VEPH1: variants seen among roughly 807,000 people sequenced by gnomAD.
VEPH1 encodes the protein ventricular zone expressed PH domain containing 1, also known as ventricular zone-expressed PH domain-containing protein homolog 1.
VEPH1 carries 80 observed loss-of-function variants against 85.2 expected under a neutral mutation model. The observed-to-expected ratio is 0.94, with a 90% confidence interval of 0.78 to 1.13. The LOEUF (loss-of-function observed/expected upper bound fraction) is 1.13, where lower values mean the gene tolerates loss of function less well. VEPH1 is among the 50% of genes most tolerant of loss of function. The pLI, the probability that VEPH1 is intolerant of heterozygous loss-of-function variation, is 0.00. For missense variants in VEPH1, 955 were observed against 980.5 expected, an observed-to-expected ratio of 0.97 and a Z score of 0.35; for synonymous variants, 297 against 348.0, an observed-to-expected ratio of 0.85 and a Z score of 1.63.
intron 9 of VEPH1, among the ~76,000 whole-genome samples, chr3:157,353,885 A>G (rs913864404): frequency 2.0e-5 from 3 of 152,162 alleles, no homozygotes; most frequent in Non-Finnish European, 2.9e-5. Context: ...GGCATGTAGT[A>G]GGCACTCAAA....
intron 9 of VEPH1, among the ~76,000 whole-genome samples, chr3:157,334,201 C>A (rs1722756437): frequency 1.3e-5 from 2 of 152,134 alleles, no homozygotes; most frequent in African/African-American, 4.8e-5. Context: ...GATCATGTGG[C>A]TGACATGAGA....
At chr3:157,322,720 A>G (rs1721485753) in intron 9 of VEPH1, among the ~76,000 whole-genome samples, 2 of 152,206 alleles carry the variant, frequency 1.3e-5, no homozygotes, top group Admixed American at 1.3e-4. Context: ...TCTTCTGCCT[A>G]CTTGACACTA....
At chr3:157,428,629 T>A (rs1732923976) in intron 4 of VEPH1, 141 bp from the exon 5 acceptor site, 2 of 718,618 alleles carry the variant, frequency 2.8e-6, no homozygotes, top group African/African-American at 3.6e-5. Flanking sequence ...AAAAATAACA[T>A]GGTACCTTAT....
intron 9 of VEPH1, among the ~76,000 whole-genome samples, chr3:157,317,441 C>G (rs1346997008): frequency 6.6e-6 from 1 of 152,112 alleles, no homozygotes; most frequent in Non-Finnish European, 1.5e-5. Context: ...CTCAGCAACT[C>G]CCATGGGGGG....
intron 12 of VEPH1, among the ~76,000 whole-genome samples, chr3:157,283,509 G>C (rs1559923022): frequency 6.6e-6 from 1 of 152,092 alleles, no homozygotes; most frequent in Non-Finnish European, 1.5e-5. Context: ...ATATTTTATT[G>C]ATCACCAGAT....
chr3:157,388,001 G>A (rs1333886884), intron 6 of VEPH1, among the ~76,000 whole-genome samples: 1 of 152,086 alleles, frequency 6.6e-6, no homozygotes, highest in Non-Finnish European at 1.5e-5. Context: ...CTTTACAAAT[G>A]TAAAAAAATA....
chr3:157,494,092 G>A (rs188019981), intron 2 of VEPH1, among the ~76,000 whole-genome samples: 2 of 152,308 alleles, frequency 1.3e-5, no homozygotes, highest in Non-Finnish European at 2.9e-5. Context: ...GACATTACCT[G>A]AGAAAAGAAG....
chr3:157,409,510 ATGGCTTTATTTAAGTT>A (rs969412501), intron 6 of VEPH1, among the ~76,000 whole-genome samples: 1 of 152,172 alleles, frequency 6.6e-6, no homozygotes, highest in African/African-American at 2.4e-5. Flanking sequence ...ATTATTAAAC[ATGGCTTTATTTAAGTT>A]TGGGCAAAAA....
intron 9 of VEPH1, among the ~76,000 whole-genome samples, chr3:157,361,124 T>C (rs1003037134): frequency 8.5e-5 from 13 of 152,208 alleles, no homozygotes; most frequent in African/African-American, 2.9e-4. Context: ...ATTAGCAAAG[T>C]AGGCAATTGT....
At chr3:157,295,911 G>A (rs935554610) in intron 11 of VEPH1, among the ~76,000 whole-genome samples, 11 of 151,930 alleles carry the variant, frequency 7.2e-5, no homozygotes, top group Admixed American at 3.9e-4. Flanking sequence ...GCCAAGATTA[G>A]GTCACTGCAC....
chr3:157,336,647 T>C (rs1167367595), intron 9 of VEPH1, among the ~76,000 whole-genome samples: 1 of 152,186 alleles, frequency 6.6e-6, no homozygotes, highest in Non-Finnish European at 1.5e-5. Context: ...CAATCAGCTA[T>C]GTTTACCAGA....
chr3:157,264,031 C>T (rs1713270913), intron 13 of VEPH1, among the ~76,000 whole-genome samples: 2 of 152,198 alleles, frequency 1.3e-5, no homozygotes, highest in East Asian at 1.9e-4. Flanking sequence ...CTGGAAGAGG[C>T]TGGCATTTGA....
chr3:157,312,982 G>A (rs1470044568), intron 11 of VEPH1, among the ~76,000 whole-genome samples: 1 of 138,064 alleles, frequency 7.2e-6, no homozygotes, highest in Non-Finnish European at 1.5e-5. Context: ...TCGGCTCACT[G>A]CAAGCTCCGC....
rs555853490 is a variant in VEPH1 at position 157,384,214 on chromosome 3, A to G, written c.907-2838T>C. On this transcript the variant is annotated intron_variant, in intron 6 of 13. Transcript: ENST00000362010. ...GCCAATGGTAAATAGTGTACTTAGG[A>G]CACATCTCAGAGAGAAGGCGACATT... Among the ~76,000 whole-genome samples, 4 of 152,334 alleles carry G rather than the reference A, an allele frequency of 2.6e-5. No homozygotes were observed. The South Asian group carries it at 8.3e-4, about 32-fold the overall frequency.
chr3:157,371,754 A>G (rs1422929059), intron 7 of VEPH1, among the ~76,000 whole-genome samples: 1 of 152,206 alleles, frequency 6.6e-6, no homozygotes, highest in African/African-American at 2.4e-5. Context: ...TCTGTGGATT[A>G]TTTGGAGTTG....
intron 7 of VEPH1, among the ~76,000 whole-genome samples, chr3:157,376,259 C>T (rs746538356): frequency 6.6e-6 from 1 of 152,190 alleles, no homozygotes. Context: ...CAAATTGCCC[C>T]CATTCTGATG....
chr3:157,349,607 T>C (rs1207191909), intron 9 of VEPH1, among the ~76,000 whole-genome samples: 2 of 152,144 alleles, frequency 1.3e-5, no homozygotes, highest in African/African-American at 4.8e-5. Context: ...TCTGTGCAGA[T>C]GACATGATCA....
intron 4 of VEPH1, among the ~76,000 whole-genome samples, 176 bp from the exon 5 acceptor site, chr3:157,428,664 C>T (rs1732926358): frequency 6.6e-6 from 1 of 152,130 alleles, no homozygotes; most frequent in Non-Finnish European, 1.5e-5. Flanking sequence ...GTGATTTAAT[C>T]CGATTCCACA....
intron 6 of VEPH1, among the ~76,000 whole-genome samples, chr3:157,398,161 A>G (rs4640513): frequency 0.59 from 89,068 of 152,004 alleles, 26,164 homozygotes; most frequent in Admixed American, 0.65. Context: ...CTCAACCCTG[A>G]TCACGTACAT....
Sources: gnomAD v4.1 joint callset for allele counts (sites outside exome capture counted in the v4.1 genomes callset) on GRCh38, gnomAD v4.1.1 for gene constraint, MANE v1.5 for transcripts, NCBI Gene and HGNC (gene_info 2026-07-23, HGNC 2026-07-21) for gene names.